Variants in NLGN1 observed in about 807,000 individuals in gnomAD.
NLGN1 encodes the protein neuroligin 1, also known as neuroligin-1.
In NLGN1, 12 loss-of-function variants were observed where a neutral mutation model predicts 65.5. The ratio of observed to expected loss-of-function variants is 0.18; its 90% CI spans 0.12 to 0.30. The LOEUF is 0.30. NLGN1 is among the 10% of genes least tolerant of loss of function. The probability of loss-of-function intolerance (pLI) is 1.00; values close to 1 mark genes in which losing one functional copy is unlikely to be tolerated. For synonymous variants in NLGN1, 350 were observed against 359.5 expected, an observed-to-expected ratio of 0.97 and a Z score of 0.30; for missense variants, 750 against 1,007.1, an observed-to-expected ratio of 0.74 and a Z score of 3.46.
At chr3:173,803,134 C>T (rs540035069) in intron 3 of NLGN1, among the ~76,000 whole-genome samples, 3 of 151,980 alleles carry the variant, frequency 2.0e-5, no homozygotes, top group Non-Finnish European at 2.9e-5. Flanking sequence ...AGCCACCAGG[C>T]CTGGCAGAAT....
At chr3:173,567,132 A>G (rs1679792116) in intron 2 of NLGN1, among the ~76,000 whole-genome samples, 1 of 152,156 alleles carries the variant, frequency 6.6e-6, no homozygotes, top group Non-Finnish European at 1.5e-5. Context: ...GGTAGTTAAG[A>G]GAATTGAATT....
At chr3:174,009,252 C>G (rs1725037733) in intron 4 of NLGN1, among the ~76,000 whole-genome samples, 1 of 152,118 alleles carries the variant, frequency 6.6e-6, no homozygotes, top group African/African-American at 2.4e-5. Context: ...AATTACCTCC[C>G]CAAAACTTTA....
chr3:174,161,966 G>A (rs1474017069), intron 4 of NLGN1, among the ~76,000 whole-genome samples: 1 of 151,772 alleles, frequency 6.6e-6, no homozygotes, highest in Non-Finnish European at 1.5e-5. Context: ...GGAATTCTAG[G>A]GTTGGAAGAG....
At chr3:173,771,460 A>G (rs1213469477) in intron 3 of NLGN1, among the ~76,000 whole-genome samples, 1 of 152,210 alleles carries the variant, frequency 6.6e-6, no homozygotes, top group Non-Finnish European at 1.5e-5. Flanking sequence ...AAAAATTTAG[A>G]GGAAGTAATT....
intron 4 of NLGN1, among the ~76,000 whole-genome samples, chr3:174,106,615 G>C (rs188303434): frequency 6.6e-6 from 1 of 152,128 alleles, no homozygotes; most frequent in Admixed American, 6.6e-5. Context: ...GTATTAGTCA[G>C]AAATCTCCAG....
chr3:174,016,973 C>G (rs916658742), intron 4 of NLGN1, among the ~76,000 whole-genome samples: 2 of 152,048 alleles, frequency 1.3e-5, no homozygotes, highest in African/African-American at 4.8e-5. Flanking sequence ...TATTGCATGG[C>G]CTATTTTAGT....
At chr3:174,153,766 G>C (rs1470861748) in intron 4 of NLGN1, among the ~76,000 whole-genome samples, 1 of 152,080 alleles carries the variant, frequency 6.6e-6, no homozygotes, top group African/African-American at 2.4e-5. Flanking sequence ...GCCACAGTGG[G>C]AGGAGCGCCT....
chr3:173,790,844 T>C (rs1045054508), intron 3 of NLGN1, among the ~76,000 whole-genome samples: 1 of 152,166 alleles, frequency 6.6e-6, no homozygotes, highest in Non-Finnish European at 1.5e-5. Context: ...GAGTATGGCA[T>C]TGTCTCCTGA....
chr3:174,070,620 G>A (rs930683088), intron 4 of NLGN1, among the ~76,000 whole-genome samples: 4 of 152,074 alleles, frequency 2.6e-5, no homozygotes, highest in Admixed American at 6.6e-5. Flanking sequence ...GTGAGCCACC[G>A]CGCCCGGCCT....
At chr3:174,124,933 G>T (rs1252762373) in intron 4 of NLGN1, among the ~76,000 whole-genome samples, 1 of 151,920 alleles carries the variant, frequency 6.6e-6, no homozygotes, top group Admixed American at 6.6e-5. Flanking sequence ...CATTAGAAGG[G>T]CCAGCAGATT....
At chr3:173,613,743 A>G (rs932878923) in intron 3 of NLGN1, among the ~76,000 whole-genome samples, 2 of 152,140 alleles carry the variant, frequency 1.3e-5, no homozygotes, top group African/African-American at 4.8e-5. Flanking sequence ...TTTGGTATCT[A>G]TGAAATGATA....
Position 174,280,934 on chromosome 3 carries a change from G to A in NLGN1, c.2103G>A (p.Lys701=). 5 of 1,613,312 alleles carry A rather than the reference G, an allele frequency of 3.1e-6. No individual in the cohort carries two copies. Among genetic ancestry groups the A allele is most frequent in the Non-Finnish European group, 4.2e-6 (5 of 1,179,584 alleles). Residue 701 remains lysine (K), a synonymous_variant, in exon 7 of 7, where the codon AAG becomes AAA. Transcript: ENST00000457714. This position sits in a 1 kb window ranked among gnomAD's most constrained non-coding sequence, Gnocchi z 4.9. ...CCTTTGCAGCCCTGTACTACAAAAA[G>A]GATAAGAGGAGACATGATGTTCACA...
chr3:173,736,658 A>G (rs1773813716), intron 3 of NLGN1, among the ~76,000 whole-genome samples: 1 of 151,980 alleles, frequency 6.6e-6, no homozygotes, highest in African/African-American at 2.4e-5. Context: ...GCAGATAAAA[A>G]AAAAATAATT....
At chr3:174,147,785 A>C (rs905176199) in intron 4 of NLGN1, among the ~76,000 whole-genome samples, 3 of 152,172 alleles carry the variant, frequency 2.0e-5, no homozygotes, top group Admixed American at 6.6e-5. Flanking sequence ...AATCAGAGGA[A>C]GAAAGGGTGT....
chr3:173,548,430 CTAGAG>C (rs1192691484), intron 2 of NLGN1, among the ~76,000 whole-genome samples: 2 of 151,598 alleles, frequency 1.3e-5, no homozygotes, highest in African/African-American at 2.4e-5. Flanking sequence ...CATGAGGAAA[CTAGAG>C]TAAACTGGGA....
chr3:174,114,940 G>A (rs1337451429), intron 4 of NLGN1, among the ~76,000 whole-genome samples: 1 of 152,074 alleles, frequency 6.6e-6, no homozygotes, highest in Non-Finnish European at 1.5e-5. Context: ...CTGAGTTACA[G>A]AGTAATTTGC....
chr3:173,444,234 T>A (rs1296569940), intron 2 of NLGN1, among the ~76,000 whole-genome samples: 1 of 152,234 alleles, frequency 6.6e-6, no homozygotes, highest in East Asian at 1.9e-4. Flanking sequence ...ATAAAATCAC[T>A]TTCATATTTG....
At chr3:173,592,049 A>T (rs1983060) in intron 2 of NLGN1, among the ~76,000 whole-genome samples, 1 of 151,950 alleles carries the variant, frequency 6.6e-6, no homozygotes, top group African/African-American at 2.4e-5. Flanking sequence ...GGTATTTTAC[A>T]TATACATTAA....
intron 3 of NLGN1, among the ~76,000 whole-genome samples, chr3:173,737,581 A>C (rs1773975457): frequency 6.6e-6 from 1 of 152,106 alleles, no homozygotes; most frequent in Non-Finnish European, 1.5e-5. Context: ...CATAGCATGT[A>C]TCAGTACATA....
Sources: allele counts gnomAD v4.1 joint callset (sites outside exome capture counted in the v4.1 genomes callset), GRCh38; gene constraint gnomAD v4.1.1; non-coding constraint Gnocchi (gnomAD v3.1); transcripts MANE v1.5; gene names NCBI Gene and HGNC (gene_info 2026-07-23, HGNC 2026-07-21).